RPS6KA2: variants seen among roughly 807,000 people sequenced by gnomAD.
RPS6KA2 encodes the protein ribosomal protein S6 kinase alpha-2.
A neutral mutation model predicts 91.8 loss-of-function variants in RPS6KA2; 42 were observed. That is an observed-to-expected ratio of 0.46 (90% CI 0.36 to 0.59). The LOEUF (loss-of-function observed/expected upper bound fraction) is 0.59, where lower values mean the gene tolerates loss of function less well. RPS6KA2 is among the 20% of genes least tolerant of loss of function. The pLI, the probability that RPS6KA2 is intolerant of heterozygous loss-of-function variation, is 0.00. For synonymous variants in RPS6KA2, 414 were observed against 393.6 expected (o/e 1.05, Z -0.61); for missense variants, 798 against 978.5 (o/e 0.82, Z 2.46).
chr6:166,836,799 G>A (rs984015198), intron 2 of RPS6KA2, among the ~76,000 whole-genome samples: 2 of 152,184 alleles, frequency 1.3e-5, no homozygotes, highest in Admixed American at 6.5e-5. Context: ...TACTGGGTAT[G>A]GTGAGTAGAG....
chr6:166,418,152 C>T lies in RPS6KA2; in HGVS notation c.1938+73G>A. ...ATACTACTTACATAAAACCTATCCC[C>T]TGGCTTCCTCAGAAATCATATGGCT... On this transcript the variant is annotated intron_variant, in intron 19 of 20. Transcript: ENST00000265678. This position sits in a 1 kb window ranked among gnomAD's most constrained non-coding sequence, Gnocchi z 4.9. The T allele has an allele frequency of 2.9e-6, 3 of 1,037,720 alleles. No individual in the cohort carries two copies. The highest frequency in any genetic ancestry group is 4.1e-4 in the Middle Eastern group (2 of 4,824). 64.3% of individuals were successfully genotyped at this position (1,037,720 alleles called of 1,614,324 possible).
Position 166,521,801 on chromosome 6 carries a change from G to C in RPS6KA2, c.298+9431C>G, listed in dbSNP as rs116885170. On this transcript the variant is annotated intron_variant, in intron 3 of 20. Transcript: ENST00000265678. ...AATGTGGGAAAGATATGAATTTTAG[G>C]GACTGGGGTGGAACGCCATAGACTG... 1.5e-3 allele frequency among the ~76,000 whole-genome samples: 221 copies of C among 152,292 alleles called. 1 individual carries two copies. The highest frequency in any genetic ancestry group is 3.4e-3 in the Middle Eastern group (1 of 294).
chr6:166,597,018 T>C (rs1785556135), intron 1 of RPS6KA2, among the ~76,000 whole-genome samples: 1 of 152,030 alleles, frequency 6.6e-6, no homozygotes, highest in Non-Finnish European at 1.5e-5. Flanking sequence ...GCACATGTGA[T>C]GTCAGGCACA....
chr6:166,793,000 G>C (rs1225624863), intron 2 of RPS6KA2, among the ~76,000 whole-genome samples: 2 of 151,938 alleles, frequency 1.3e-5, no homozygotes, highest in Non-Finnish European at 2.9e-5. Flanking sequence ...GGAAGTTCTG[G>C]CCAGGGCAAT....
At chr6:166,598,051 A>C (rs1193954278) in intron 1 of RPS6KA2, among the ~76,000 whole-genome samples, 1 of 152,260 alleles carries the variant, frequency 6.6e-6, no homozygotes. Flanking sequence ...TGCAAATTGC[A>C]CAGAGGCATG....
intron 2 of RPS6KA2, among the ~76,000 whole-genome samples, chr6:166,771,112 G>A (rs1778459012): frequency 1.3e-5 from 2 of 152,200 alleles, no homozygotes; most frequent in Admixed American, 1.3e-4. Flanking sequence ...AAAGCCTACA[G>A]AAGAAAGGAA....
chr6:166,604,328 G>A (rs1471140069), intron 1 of RPS6KA2, among the ~76,000 whole-genome samples: 2 of 151,788 alleles, frequency 1.3e-5, no homozygotes, highest in South Asian at 4.1e-4. Context: ...TTTAAAAAAC[G>A]TTTCCCCAAA....
rs570411801 is a variant in RPS6KA2, at chr6:166,425,888, A to T, written c.1582-2471T>A. Among the ~76,000 whole-genome samples, 116 of 152,332 alleles carry T rather than the reference A, an allele frequency of 7.6e-4. No individual in the cohort carries two copies. In the Middle Eastern group the frequency reaches 0.014, roughly 18 times the overall value. On this transcript the variant is annotated intron_variant, in intron 16 of 20. Coordinates refer to ENST00000265678, the MANE Select transcript of RPS6KA2 (RefSeq NM_021135.6). ...ACACCCCACTGTCAACATTAGACAG[A>T]TCAACGAGACAGAAAGTTAACAGGG... is the stretch of plus-strand genomic sequence containing the variant.
chr6:166,823,079 C>T (rs533211695), intron 2 of RPS6KA2, among the ~76,000 whole-genome samples: 3 of 152,184 alleles, frequency 2.0e-5, no homozygotes, highest in Non-Finnish European at 4.4e-5. Context: ...GACGACCCCA[C>T]CTGAATATTG....
intron 2 of RPS6KA2, among the ~76,000 whole-genome samples, chr6:166,706,214 G>T (rs570621399): frequency 5.6e-4 from 86 of 152,266 alleles, no homozygotes; most frequent in African/African-American, 1.9e-3. Context: ...AACTTAAGTG[G>T]TGAAATTTTA....
intron 11 of RPS6KA2, among the ~76,000 whole-genome samples, chr6:166,463,910 G>C (rs1163870129): frequency 6.6e-6 from 1 of 152,222 alleles, no homozygotes; most frequent in Non-Finnish European, 1.5e-5. Flanking sequence ...TGTGCCTGCA[G>C]TTTACCCGGC....
chr6:166,583,865 T>C (rs1562594745), intron 1 of RPS6KA2, among the ~76,000 whole-genome samples: 1 of 152,206 alleles, frequency 6.6e-6, no homozygotes, highest in Non-Finnish European at 1.5e-5. Context: ...TTCTATCTAA[T>C]GGTAACATAG....
chr6:166,857,455 G>A (rs1415585213), intron 2 of RPS6KA2, among the ~76,000 whole-genome samples: 1 of 152,122 alleles, frequency 6.6e-6, no homozygotes, highest in South Asian at 2.1e-4. Context: ...TTACCTCTTT[G>A]CTGGCCAGTG....
intron 1 of RPS6KA2, among the ~76,000 whole-genome samples, chr6:166,592,233 T>C (rs1248153839): frequency 6.6e-6 from 1 of 152,184 alleles, no homozygotes; most frequent in African/African-American, 2.4e-5. Flanking sequence ...GGATAATGAA[T>C]TCTCTGCTCT....
intron 2 of RPS6KA2, among the ~76,000 whole-genome samples, chr6:166,843,396 T>A (rs1418737278): frequency 6.6e-6 from 1 of 152,170 alleles, no homozygotes; most frequent in Non-Finnish European, 1.5e-5. Context: ...GGCAAGCTTG[T>A]CTTCTCCCTG....
rs1778431865 is a variant in RPS6KA2, at chr6:166,770,336, T to C, written c.123+87864A>G. On this transcript the variant is annotated intron_variant, in intron 2 of 21. Transcript: ENST00000503859. The surrounding 1 kb of genome is among the most constrained non-coding windows in gnomAD (Gnocchi z 5.1). ...CTCCATCTAAAATTATCTATTTTAG[T>C]CCTAATTCCTAGAAAAGCTGTTGCT... is the stretch of plus-strand genomic sequence containing the variant. Among the ~76,000 whole-genome samples the C allele has an allele frequency of 6.6e-6, 1 of 152,192 alleles. No individual in the cohort carries two copies.
intron 10 of RPS6KA2, among the ~76,000 whole-genome samples, chr6:166,488,043 T>G (rs1455220780): frequency 6.6e-6 from 1 of 151,858 alleles, no homozygotes; most frequent in Non-Finnish European, 1.5e-5. Context: ...CTGATTTAAC[T>G]TTTGCCTTCC....
intron 2 of RPS6KA2, among the ~76,000 whole-genome samples, chr6:166,734,805 G>A (rs1790630033): frequency 6.6e-6 from 1 of 152,084 alleles, no homozygotes; most frequent in African/African-American, 2.4e-5. Flanking sequence ...TCCTTTGGGG[G>A]TACTTAAATA....
At chr6:166,629,184 G>C (rs79840263), upstream of RPS6KA2, among the ~76,000 whole-genome samples, 1 of 152,250 alleles carries the variant, frequency 6.6e-6, no homozygotes, top group Non-Finnish European at 1.5e-5. Flanking sequence ...GGACCAACCC[G>C]ACCATGCTTC....
Sources: allele counts gnomAD v4.1 joint callset (sites outside exome capture counted in the v4.1 genomes callset), GRCh38; gene constraint gnomAD v4.1.1; non-coding constraint Gnocchi (gnomAD v3.1); transcripts MANE v1.5; gene names NCBI Gene and HGNC (gene_info 2026-07-23, HGNC 2026-07-21).